Variants in TRNAU1AP observed in about 807,000 individuals in gnomAD.
TRNAU1AP encodes tRNA selenocysteine 1 associated protein 1, also known as tRNA selenocysteine 1-associated protein 1.
TRNAU1AP carries 33 observed loss-of-function variants against 43.3 expected under a neutral mutation model. That is an observed-to-expected ratio of 0.76 (90% CI 0.58 to 1.02). TRNAU1AP has a LOEUF of 1.02. Among genes scored for constraint, TRNAU1AP ranks in the 50% least tolerant of loss-of-function variants. TRNAU1AP has a pLI of 0.00. For synonymous variants in TRNAU1AP, 143 were observed against 129.1 expected, an observed-to-expected ratio of 1.11 and a Z score of -0.73; for missense variants, 290 against 362.7, an observed-to-expected ratio of 0.80 and a Z score of 1.63.
chr1:28,570,294 C>A (rs1235964687), intron 6 of TRNAU1AP, among the ~76,000 whole-genome samples: 4 of 151,994 alleles, frequency 2.6e-5, no homozygotes, highest in Non-Finnish European at 1.5e-5. Flanking sequence ...ATTGCCCAGA[C>A]TGGAGTCCAG....
chr1:28,565,185 T>C (rs944997032), intron 5 of TRNAU1AP: 5 of 251,996 alleles, frequency 2.0e-5, no homozygotes, highest in African/African-American at 1.2e-4. Flanking sequence ...TCAGTGTAGT[T>C]AGAAGTGTTC....
chr1:28,566,328 AAAAG>A (rs1395412414), intron 5 of TRNAU1AP, among the ~76,000 whole-genome samples: 24 of 150,776 alleles, frequency 1.6e-4, no homozygotes, highest in East Asian at 5.9e-4. Flanking sequence ...AAAAAAAAAA[AAAAG>A]AAGAGCCGGG....
At chr1:28,561,193 G>T (rs558902224) in intron 3 of TRNAU1AP, 153 bp from the exon 4 acceptor site, 2 of 1,466,190 alleles carry the variant, frequency 1.4e-6, no homozygotes. Flanking sequence ...GCGGTCATCC[G>T]TGCAACCCCC....
chr1:28,561,913 A>G (rs1011129085), intron 4 of TRNAU1AP, among the ~76,000 whole-genome samples: 3 of 152,216 alleles, frequency 2.0e-5, no homozygotes, highest in African/African-American at 4.8e-5. Flanking sequence ...TCTACTAAAA[A>G]TACAACAAAT....
chr1:28,567,975 C>T (rs776017336), intron 6 of TRNAU1AP, among the ~76,000 whole-genome samples: 1 of 151,982 alleles, frequency 6.6e-6, no homozygotes, highest in Non-Finnish European at 1.5e-5. Context: ...ACCAGCCTGG[C>T]CAACATGGCA....
At chr1:28,571,098 T>G in intron 6 of TRNAU1AP, 78 bp from the exon 7 acceptor site, 1 of 1,443,274 alleles carries the variant, frequency 6.9e-7, no homozygotes, top group Non-Finnish European at 9.6e-7. Context: ...ATAAAGCACT[T>G]AAAATAGTCT....
rs1665497340 is a variant in TRNAU1AP at position 28,564,697 on chromosome 1, C to T, written c.279-6C>T. 1.2e-6 allele frequency: 2 copies of T among 1,612,326 alleles called. No homozygotes were observed. Among genetic ancestry groups the T allele is most frequent in the African/African-American group, 2.7e-5 (2 of 74,870 alleles). ...GCCTCTGAATCTTCTTGTTCTCTCT[C>T]CTCAGCCCTGAGTATTCCCTCTTTG... On this transcript the variant is annotated splice_region_variant and splice_polypyrimidine_tract_variant and intron_variant, in intron 4 of 8. Coordinates refer to ENST00000373830, the MANE Select transcript of TRNAU1AP (RefSeq NM_017846.5).
intron 7 of TRNAU1AP, 67 bp from the exon 8 acceptor site, chr1:28,571,800 T>C (rs1379662141): frequency 8.2e-7 from 1 of 1,215,258 alleles, no homozygotes; most frequent in Non-Finnish European, 1.2e-6. Flanking sequence ...ATAAAAAATA[T>C]AAGCCACTGT....
chr1:28,571,852 C>G lies in TRNAU1AP; in HGVS notation c.694-15C>G, dbSNP rs1665669144. On this transcript the variant is annotated splice_polypyrimidine_tract_variant and intron_variant, in intron 7 of 8. Transcript: ENST00000373830. ...TTCACCATGCCCCTAACCCACATCT[C>G]TGGTCTCTTGGCAGACATATGAAGA... The G allele has an allele frequency of 6.2e-7, 1 of 1,600,764 alleles. No individual in the cohort carries two copies. Among genetic ancestry groups the G allele is most frequent in the South Asian group, 1.1e-5 (1 of 90,564 alleles).
intron 2 of TRNAU1AP, 59 bp from the exon 3 acceptor site, chr1:28,560,574 C>T: frequency 7.0e-7 from 1 of 1,421,744 alleles, no homozygotes; most frequent in Non-Finnish European, 9.9e-7. Context: ...TCACGCCTGG[C>T]CTCATCTTGA....
chr1:28,563,629 A>C (rs897257490), intron 4 of TRNAU1AP, among the ~76,000 whole-genome samples: 2 of 151,572 alleles, frequency 1.3e-5, no homozygotes, highest in East Asian at 2.0e-4. Flanking sequence ...GGTTGCAGTG[A>C]GCTGAGATTG....
At chr1:28,558,626 G>A (rs1358994785) in intron 2 of TRNAU1AP, among the ~76,000 whole-genome samples, 2 of 145,450 alleles carry the variant, frequency 1.4e-5, no homozygotes, top group Non-Finnish European at 3.0e-5. Context: ...GTGCAGTGGC[G>A]TGATGTCTGC....
rs750418439 is a variant in TRNAU1AP, at chr1:28,564,853, C to T, written c.410+19C>T. ...TGTCTAAGTAAGGCCTTACTTGTTA[C>T]TGATGCTTAACTGTGTTAGTTTCAG... On this transcript the variant is annotated intron_variant, in intron 5 of 8. Coordinates refer to ENST00000373830, the MANE Select transcript of TRNAU1AP (RefSeq NM_017846.5). 1.4e-5 allele frequency: 22 copies of T among 1,613,560 alleles called. No individual in the cohort carries two copies. The highest frequency in any genetic ancestry group is 2.7e-5 in the African/African-American group (2 of 74,912).
Position 28,564,725 on chromosome 1 carries a change from G to A in TRNAU1AP, c.301G>A (p.Gly101Arg). Reference sequence around the variant, plus strand: ...CAGCCCTGAGTATTCCCTCTTTGTGGGGGACCTGACCCCGGACGTGGATGA... The same window carrying A: ...CAGCCCTGAGTATTCCCTCTTTGTGAGGGACCTGACCCCGGACGTGGATGA... The part of the protein sequence containing the change: ...DNSPEYSLFV[G>R]DLTPDVDDGM... The change falls in exon 5 of 9, where the codon GGG becomes AGG. Residue 101 changes from glycine (G) to arginine (R), a missense_variant. Gly to Arg is a moderately radical substitution (Grantham distance 125). Coordinates refer to ENST00000373830, the MANE Select transcript of TRNAU1AP (RefSeq NM_017846.5). The A allele has an allele frequency of 1.2e-6, 2 of 1,613,992 alleles. No individual in the cohort carries two copies. Among genetic ancestry groups the A allele is most frequent in the Non-Finnish European group, 1.7e-6 (2 of 1,179,970 alleles).
In TRNAU1AP at chr1:28,567,324, A is replaced by G; in HGVS notation, c.441A>G (p.Glu147=). 1 of 1,613,832 alleles carries G rather than the reference A, an allele frequency of 6.2e-7. No homozygotes were observed. Among genetic ancestry groups the G allele is most frequent in the Non-Finnish European group, 8.5e-7 (1 of 1,179,954 alleles). ...ATGGTTTTGTGAAATTCACAGATGA[A>G]CTGGAACAGAAGCGAGCCCTGACGG... ...KGYGFVKFTD[E]LEQKRALTEC... The change falls in exon 6 of 9, where the codon GAA becomes GAG. Residue 147 remains glutamate (E), a synonymous_variant. Transcript: ENST00000373830.
At chr1:28,575,247 C>T (rs1570260730) in intron 8 of TRNAU1AP, among the ~76,000 whole-genome samples, 1 of 151,922 alleles carries the variant, frequency 6.6e-6, no homozygotes, top group East Asian at 1.9e-4. Flanking sequence ...CTCTGCCTCA[C>T]AGGTTCAAGC....
At position 28,553,138 on chromosome 1, in the gene TRNAU1AP, G is replaced by A. The variant is rs1211740379; in HGVS notation, c.27+1G>A. On this transcript the variant is annotated splice_donor_variant, in intron 1 of 8. Transcript: ENST00000373830. LOFTEE classifies it high-confidence loss of function. ...GGCGGCCAGCCTGTGGATGGGCGAC[G>A]TGAGTGAGGGCAGCCGTCCGGGGTC... is the stretch of plus-strand genomic sequence containing the variant. 1.3e-6 allele frequency: 2 copies of A among 1,519,060 alleles called. No homozygotes were observed. Among genetic ancestry groups the A allele is most frequent in the Non-Finnish European group, 8.8e-7 (1 of 1,130,274 alleles). 94.1% of individuals were successfully genotyped at this position (1,519,060 alleles called of 1,614,324 possible).
At chr1:28,553,773 G>C (rs75273522) in intron 2 of TRNAU1AP, 36 bp downstream of exon 2, 1 of 1,554,302 alleles carries the variant, frequency 6.4e-7, no homozygotes, top group South Asian at 1.1e-5. Flanking sequence ...AATACATCTC[G>C]TTGCAGCTGT....
At chr1:28,564,878 GC>G in intron 5 of TRNAU1AP, 44 bp downstream of exon 5, 1 of 1,612,396 alleles carries the variant, frequency 6.2e-7, no homozygotes, top group Non-Finnish European at 8.5e-7. Context: ...GTTAGTTTCA[GC>G]CTTTCTCTCC....
Sources: gnomAD v4.1 joint callset for allele counts (sites outside exome capture counted in the v4.1 genomes callset) on GRCh38, gnomAD v4.1.1 for gene constraint, MANE v1.5 for transcripts, NCBI Gene and HGNC (gene_info 2026-07-23, HGNC 2026-07-21) for gene names.